Variants in POLR1D observed in about 807,000 individuals in gnomAD.
POLR1D encodes the protein DNA-directed RNA polymerases I and III subunit RPAC2.
Under a neutral mutation model 10.8 loss-of-function variants are expected in POLR1D, and 8 were observed. The observed-to-expected ratio is 0.74, with a 90% CI of 0.43 to 1.33. POLR1D has a LOEUF of 1.33. Among genes scored for constraint, POLR1D ranks in the 40% most tolerant of loss-of-function variants. POLR1D has a pLI of 0.01. For missense variants in POLR1D, 152 were observed against 161.7 expected (o/e 0.94, Z 0.32); for synonymous variants, 54 against 57.2 (o/e 0.94, Z 0.25).
Position 27,663,382 on chromosome 13 carries a change from C to A in POLR1D, c.102-2304C>A, listed in dbSNP as rs552429698. Among the ~76,000 whole-genome samples, 1 of 152,292 alleles carries A rather than the reference C, an allele frequency of 6.6e-6. No individual in the cohort carries two copies. Among genetic ancestry groups the A allele is most frequent in the South Asian group, 2.1e-4 (1 of 4,824 alleles). The stretch of plus-strand genomic sequence containing the variant: ...TATTTACCTAGAATAGAATCCCAGG[C>A]ATAACCAACATTAAAAAACTGCATC... On this transcript the variant is annotated intron_variant, in intron 2 of 2. Coordinates refer to the POLR1D transcript ENST00000399697. The surrounding 1 kb of genome is among the most constrained non-coding windows in gnomAD (Gnocchi z 4.1).
At chr13:27,630,455 G>GT (rs1375322898) in intron 1 of POLR1D, among the ~76,000 whole-genome samples, 1 of 152,124 alleles carries the variant, frequency 6.6e-6, no homozygotes, top group Non-Finnish European at 1.5e-5. Context: ...TACAATTTTT[G>GT]TTTTTTGTTT....
chr13:27,621,872 CGCGCCTTCCGTCGGTCG>C (rs1368883128), upstream of POLR1D: 16 of 1,155,680 alleles, frequency 1.4e-5, no homozygotes, highest in Admixed American at 2.8e-4. Context: ...TTCCGTCCTC[CGCGCCTTCCGTCGGTCG>C]GTCCTTGCTT....
chr13:27,659,348 A>C (rs1356906790), intron 2 of POLR1D, among the ~76,000 whole-genome samples: 2 of 152,182 alleles, frequency 1.3e-5, no homozygotes, highest in Non-Finnish European at 2.9e-5. Flanking sequence ...TGTTAGAACC[A>C]ATGAGGAGGG....
At chr13:27,626,715 CTT>C (rs1956013798), downstream of POLR1D, among the ~76,000 whole-genome samples, 1 of 152,310 alleles carries the variant, frequency 6.6e-6, no homozygotes, top group Non-Finnish European at 1.5e-5. Flanking sequence ...AGTACTGTGA[CTT>C]TTAAAAAGCT....
chr13:27,652,524 A>G (rs1156840213), intron 2 of POLR1D, among the ~76,000 whole-genome samples: 1 of 152,196 alleles, frequency 6.6e-6, no homozygotes, highest in Non-Finnish European at 1.5e-5. Flanking sequence ...AGTAACAGAC[A>G]CTGAGTCCAC....
chr13:27,629,879 G>A (rs1267107800), intron 1 of POLR1D, among the ~76,000 whole-genome samples: 3 of 152,118 alleles, frequency 2.0e-5, no homozygotes, highest in African/African-American at 7.2e-5. Context: ...TCAGTTGATT[G>A]TAAAAACTGC....
chr13:27,665,037 T>C (rs1212152382), intron 2 of POLR1D: 1 of 152,758 alleles, frequency 6.5e-6, no homozygotes, highest in Non-Finnish European at 1.5e-5. Flanking sequence ...CTAGGTAAAC[T>C]TGAATCATGA....
At chr13:27,662,912 G>A (rs1956378381) in intron 2 of POLR1D, among the ~76,000 whole-genome samples, 1 of 152,162 alleles carries the variant, frequency 6.6e-6, no homozygotes, top group Non-Finnish European at 1.5e-5. Flanking sequence ...AGAGGCAGCA[G>A]GGAGATTACA....
exon 3 of POLR1D, chr13:27,665,712 A>G: frequency 6.2e-7 from 1 of 1,613,996 alleles, no homozygotes; most frequent in South Asian, 1.1e-5. Flanking sequence ...GCTAGCACCA[A>G]TAAAAGATTT....
At chr13:27,638,304 C>T (rs1956144770) in intron 1 of POLR1D, among the ~76,000 whole-genome samples, 1 of 152,190 alleles carries the variant, frequency 6.6e-6, no homozygotes, top group Non-Finnish European at 1.5e-5. Flanking sequence ...CTCTTCTTCC[C>T]ATCTCATTGT....
intron 1 of POLR1D, among the ~76,000 whole-genome samples, chr13:27,632,985 G>A (rs780310341): frequency 6.6e-6 from 1 of 152,142 alleles, no homozygotes; most frequent in Non-Finnish European, 1.5e-5. Flanking sequence ...TATAAGCTTC[G>A]AATTGAGAAC....
rs376204257 is a variant in POLR1D, at chr13:27,623,271, G to C, written c.*21G>C. 4.4e-5 allele frequency: 71 copies of C among 1,612,902 alleles called. No homozygotes were observed. Among genetic ancestry groups the C allele is most frequent in the Non-Finnish European group, 5.9e-5 (70 of 1,179,894 alleles). On this transcript the variant is annotated 3_prime_UTR_variant, in exon 2 of 2. Coordinates refer to ENST00000302979, the MANE Select transcript of POLR1D (RefSeq NM_015972.4). ...TCTAGTCCTTTATGCAGTATACAAG[G>C]AGAACTGTCCTGTAGGATATTCTCT...
intron 1 of POLR1D, among the ~76,000 whole-genome samples, chr13:27,634,707 A>C: frequency 7.5e-6 from 1 of 132,858 alleles, no homozygotes; most frequent in Non-Finnish European, 1.6e-5. Flanking sequence ...ACATGGTCTC[A>C]CTCTGTCACC....
Position 27,652,907 on chromosome 13 carries a change from A to ACTTCTTTT in POLR1D, c.101+4454_101+4455insCTTCTTTT, listed in dbSNP as rs1365436145. 4.8e-4 allele frequency among the ~76,000 whole-genome samples: 38 copies of ACTTCTTTT among 78,506 alleles called. 7 individuals carry two copies. The highest frequency in any genetic ancestry group is 2.0e-3 in the African/African-American group (34 of 16,694). 51.5% of individuals were successfully genotyped at this position (78,506 alleles called of 152,430 possible). ...AAACTTGCCAGAAGTTGCATTTACC[A>ACTTCTTTT]TTTCTTTTTTTTTTTTTTTTTTTTT... On this transcript the variant is annotated intron_variant, in intron 2 of 2. Coordinates refer to the POLR1D transcript ENST00000399697.
downstream of POLR1D, among the ~76,000 whole-genome samples, chr13:27,624,346 G>A (rs982490571): frequency 6.6e-6 from 1 of 152,200 alleles, no homozygotes; most frequent in African/African-American, 2.4e-5. Context: ...TGGAACACCT[G>A]ACAGGTAGTG....
At chr13:27,650,050 AG>A (rs1956252285) in intron 2 of POLR1D, 1 of 398,364 alleles carries the variant, frequency 2.5e-6, no homozygotes, top group Non-Finnish European at 4.4e-6. Flanking sequence ...AGCTTATTAC[AG>A]GGACAAGATA....
chr13:27,626,228 G>A (rs572508092), downstream of POLR1D, among the ~76,000 whole-genome samples: 21 of 152,318 alleles, frequency 1.4e-4, no homozygotes, highest in African/African-American at 4.8e-4. Context: ...TCTAAACCAA[G>A]GCCTGTCAGG....
intron 1 of POLR1D, among the ~76,000 whole-genome samples, chr13:27,641,772 T>C (rs1956175388): frequency 6.6e-6 from 1 of 152,074 alleles, no homozygotes; most frequent in Non-Finnish European, 1.5e-5. Context: ...GGAGAGGTAA[T>C]GTGAGAGCTG....
At chr13:27,644,650 G>GAA (rs1255340968) in intron 1 of POLR1D, among the ~76,000 whole-genome samples, 6 of 152,128 alleles carry the variant, frequency 3.9e-5, no homozygotes, top group Non-Finnish European at 8.8e-5. Context: ...GTTTTACAAA[G>GAA]AAACCTTCAA....
Sources: allele counts gnomAD v4.1 joint callset (sites outside exome capture counted in the v4.1 genomes callset), GRCh38; gene constraint gnomAD v4.1.1; non-coding constraint Gnocchi (gnomAD v3.1); transcripts MANE v1.5; gene names NCBI Gene and HGNC (gene_info 2026-07-23, HGNC 2026-07-21).